The following NUF2 variants were observed in gnomAD, a reference collection of about 807,000 sequenced individuals.
The protein encoded by NUF2 is NUF2 component of NDC80 kinetochore complex.
A neutral mutation model predicts 61.8 loss-of-function variants in NUF2; 34 were observed. The ratio of observed to expected loss-of-function variants is 0.55; its 90% CI spans 0.42 to 0.73. NUF2 has a LOEUF of 0.73. NUF2 is among the 30% of genes least tolerant of loss of function. NUF2 has a pLI of 0.00. For missense variants in NUF2, 445 were observed against 539.1 expected (o/e 0.83, Z 1.73); for synonymous variants, 172 against 181.6 (o/e 0.95, Z 0.42).
Position 163,343,837 on chromosome 1 carries a change from G to T in NUF2, c.774G>T (p.Met258Ile). Residue 258 changes from methionine (M) to isoleucine (I), a missense_variant, in exon 10 of 14, where the codon ATG becomes ATT. Physicochemically the swap from Met to Ile is conservative, Grantham distance 10. Coordinates refer to ENST00000271452, the MANE Select transcript of NUF2 (RefSeq NM_145697.3). ...AGTTAAAGAATTATAAAGAAAAAAT[G>T]AAAGATACGGTCCAGAAGCTTAAAA... The part of the protein sequence containing the change: ...PEKLKNYKEK[M>I]KDTVQKLKNA... 2 of 1,464,428 alleles carry T rather than the reference G, an allele frequency of 1.4e-6. No individual in the cohort carries two copies. Among genetic ancestry groups the T allele is most frequent in the South Asian group, 3.0e-5 (2 of 66,336 alleles). The allele number at this position is 1,464,428 out of a possible 1,614,324, so 90.7% of individuals were successfully genotyped here.
Position 163,355,506 on chromosome 1 carries a change from C to A in NUF2, c.*37C>A. The A allele has an allele frequency of 6.5e-7, 1 of 1,548,626 alleles. No individual in the cohort carries two copies. The highest frequency in any genetic ancestry group is 1.2e-5 in the South Asian group (1 of 81,360). ...ACATGTCTTTTTGTAAATGGCTTGCCATCTTTTAATTTTCTATTTAGAAAG... is the reference window on the plus strand; with the variant it reads ...ACATGTCTTTTTGTAAATGGCTTGCAATCTTTTAATTTTCTATTTAGAAAG... On this transcript the variant is annotated 3_prime_UTR_variant, in exon 14 of 14. Transcript: ENST00000271452.
At chr1:163,346,805 C>T (rs1298008410) in intron 11 of NUF2, among the ~76,000 whole-genome samples, 9 of 152,040 alleles carry the variant, frequency 5.9e-5, no homozygotes, top group African/African-American at 9.7e-5. Flanking sequence ...ATGATCATGC[C>T]GCCACACTTC....
intron 5 of NUF2, among the ~76,000 whole-genome samples, chr1:163,335,266 A>T (rs1650719952): frequency 6.6e-6 from 1 of 152,126 alleles, no homozygotes; most frequent in Admixed American, 6.5e-5. Flanking sequence ...TGCCAGGTGT[A>T]AGGGACTGGT....
chr1:163,327,920 GA>G (rs1408600430), intron 3 of NUF2: 2 of 365,944 alleles, frequency 5.5e-6, no homozygotes, highest in Non-Finnish European at 9.7e-6. Flanking sequence ...AATTAGAGTA[GA>G]AGATATGCAG....
intron 9 of NUF2, 39 bp from the exon 10 acceptor site, chr1:163,343,694 G>C (rs1251188271): frequency 2.4e-5 from 24 of 1,013,570 alleles, no homozygotes; most frequent in Non-Finnish European, 3.1e-5. Flanking sequence ...AAATCACCAA[G>C]TTTATTATAT....
intron 10 of NUF2, among the ~76,000 whole-genome samples, chr1:163,344,718 G>A (rs765045887): frequency 6.7e-6 from 1 of 149,516 alleles, no homozygotes; most frequent in Non-Finnish European, 1.5e-5. Context: ...TATGTGGTTT[G>A]TGTTTGAATT....
intron 9 of NUF2, among the ~76,000 whole-genome samples, chr1:163,342,042 A>G (rs946901908): frequency 2.6e-5 from 4 of 152,234 alleles, no homozygotes; most frequent in Admixed American, 2.6e-4. Flanking sequence ...TTTATGTAGT[A>G]AAATTTATAG....
intron 5 of NUF2, among the ~76,000 whole-genome samples, chr1:163,329,297 A>G (rs982274616): frequency 1.3e-5 from 2 of 152,202 alleles, no homozygotes; most frequent in Non-Finnish European, 2.9e-5. Flanking sequence ...TCATAATGTT[A>G]TATTAGAATG....
chr1:163,331,905 T>C (rs1049801300), intron 5 of NUF2, among the ~76,000 whole-genome samples: 1 of 152,076 alleles, frequency 6.6e-6, no homozygotes, highest in Non-Finnish European at 1.5e-5. Flanking sequence ...TATCAGCTTA[T>C]CACTTTTCAA....
At chr1:163,345,619 T>G in intron 10 of NUF2, 59 bp from the exon 11 acceptor site, 1 of 1,448,600 alleles carries the variant, frequency 6.9e-7, no homozygotes, top group Non-Finnish European at 9.5e-7. Flanking sequence ...AAATTGATAT[T>G]ACTGCAGCTT....
Position 163,343,821 on chromosome 1 carries a change from A to T in NUF2, c.758A>T (p.Asn253Ile). ...GTGGATTCTCCAGAGAAGTTAAAGA[A>T]TTATAAAGAAAAAATGAAAGATACG... ...KIVDSPEKLK[N>I]YKEKMKDTVQ... The change falls in exon 10 of 14, where the codon AAT (asparagine) becomes ATT (isoleucine). Residue 253 changes from asparagine to isoleucine, a missense_variant. Physicochemically the swap from Asn to Ile is moderately radical, Grantham distance 149. Coordinates refer to ENST00000271452, the MANE Select transcript of NUF2 (RefSeq NM_145697.3). The T allele has an allele frequency of 6.9e-7, 1 of 1,452,368 alleles. No individual in the cohort carries two copies. The highest frequency in any genetic ancestry group is 9.1e-7 in the Non-Finnish European group (1 of 1,096,024). 90.0% of individuals were successfully genotyped at this position (1,452,368 alleles called of 1,614,324 possible).
At chr1:163,335,347 A>C (rs574454164) in intron 5 of NUF2, among the ~76,000 whole-genome samples, 1 of 152,324 alleles carries the variant, frequency 6.6e-6, no homozygotes, top group African/African-American at 2.4e-5. Flanking sequence ...ACTACAGTAT[A>C]GAATTCTTAG....
At chr1:163,329,920 G>A (rs1650542456) in intron 5 of NUF2, among the ~76,000 whole-genome samples, 1 of 152,090 alleles carries the variant, frequency 6.6e-6, no homozygotes, top group Admixed American at 6.6e-5. Flanking sequence ...AATATTAAAT[G>A]CATATTATTA....
At chr1:163,350,191 A>G (rs1651266168) in intron 13 of NUF2, among the ~76,000 whole-genome samples, 4 of 151,376 alleles carry the variant, frequency 2.6e-5, no homozygotes, top group Admixed American at 2.6e-4. Flanking sequence ...AGTCCCAGCT[A>G]CTCGGGAGGC....
chr1:163,336,807 G>A lies in NUF2; in HGVS notation c.394G>A (p.Glu132Lys), dbSNP rs1463739807. Residue 132 changes from glutamate (E) to lysine (K), a missense_variant, in exon 6 of 14, where the codon GAA becomes AAA. By Grantham distance (56) the Glu-to-Lys change is moderately conservative. Coordinates refer to ENST00000271452, the MANE Select transcript of NUF2 (RefSeq NM_145697.3). ...CATTATCAACTTTATTCACTTCAGA[G>A]AAGCATGCCGTGAAACGTATATGGA... Reference protein sequence around the residue: ...SGIINFIHFREACRETYMEFL... With the variant: ...SGIINFIHFRKACRETYMEFL... The A allele has an allele frequency of 6.2e-7, 1 of 1,612,950 alleles. No homozygotes were observed. Among genetic ancestry groups the A allele is most frequent in the South Asian group, 1.1e-5 (1 of 91,042 alleles).
At chr1:163,350,083 C>T (rs1344417736) in intron 13 of NUF2, among the ~76,000 whole-genome samples, 4 of 151,726 alleles carry the variant, frequency 2.6e-5, no homozygotes, top group Non-Finnish European at 5.9e-5. Context: ...GGGCGGATCA[C>T]GAGGTCAGGA....
chr1:163,323,577 G>A (rs769406029), intron 1 of NUF2, among the ~76,000 whole-genome samples: 2 of 152,060 alleles, frequency 1.3e-5, no homozygotes, highest in African/African-American at 2.4e-5. Context: ...TTAACAGGGC[G>A]TGGTAGTGTG....
In NUF2 at chr1:163,347,909, T is replaced by A. The variant is rs1046036657; in HGVS notation, c.1095T>A (p.Asp365Glu). The change falls in exon 12 of 14, where the codon GAT becomes GAA. Residue 365 changes from aspartate (D) to glutamate (E), a missense_variant. By Grantham distance (45) the Asp-to-Glu change is conservative. Transcript: ENST00000271452. Reference sequence around the variant, plus strand: ...TCAAAATAAATAAGAAGCATGAAGATGTTAAGCAATACAAACGCACAGTAA... The same window carrying A: ...TCAAAATAAATAAGAAGCATGAAGAAGTTAAGCAATACAAACGCACAGTAA... Reference protein sequence around the residue: ...AQFKINKKHEDVKQYKRTVIE... With the variant: ...AQFKINKKHEEVKQYKRTVIE... 6.2e-7 allele frequency: 1 copy of A among 1,601,930 alleles called. No homozygotes were observed. The highest frequency in any genetic ancestry group is 1.3e-5 in the African/African-American group (1 of 74,080).
Position 163,343,715 on chromosome 1 carries a change from A to G in NUF2, c.670-18A>G. 1 of 1,256,922 alleles carries G rather than the reference A, an allele frequency of 8.0e-7. No homozygotes were observed. Among genetic ancestry groups the G allele is most frequent in the Non-Finnish European group, 1.1e-6 (1 of 933,396 alleles). 77.9% of individuals were successfully genotyped at this position (1,256,922 alleles called of 1,614,324 possible). On this transcript the variant is annotated intron_variant, in intron 9 of 13. Transcript: ENST00000271452. Reference sequence around the variant, plus strand: ...CCAAGTTTATTATATCTAATATATAAAAATGTTTTCTCAACAGAATGAACT... The same window carrying G: ...CCAAGTTTATTATATCTAATATATAGAAATGTTTTCTCAACAGAATGAACT...
Sources: allele counts gnomAD v4.1 joint callset (sites outside exome capture counted in the v4.1 genomes callset), GRCh38; gene constraint gnomAD v4.1.1; transcripts MANE v1.5; gene names NCBI Gene and HGNC (gene_info 2026-07-23, HGNC 2026-07-21).